Variants in JPH2 observed in about 807,000 individuals in gnomAD.
JPH2 encodes the protein junctophilin-2.
JPH2 carries 38 observed loss-of-function variants against 55.9 expected under a neutral mutation model. The observed-to-expected ratio is 0.68, with a 90% CI of 0.52 to 0.89. JPH2 has a LOEUF of 0.89. JPH2 is among the 40% of genes least tolerant of loss of function. The pLI, the probability that JPH2 is intolerant of heterozygous loss-of-function variation, is 0.00. For missense variants in JPH2, 964 were observed against 1,037.6 expected, an observed-to-expected ratio of 0.93 and a Z score of 0.97; for synonymous variants, 480 against 472.4, an observed-to-expected ratio of 1.02 and a Z score of -0.21.
intron 3 of JPH2, among the ~76,000 whole-genome samples, chr20:44,118,092 T>C (rs907067039): frequency 1.3e-5 from 2 of 152,156 alleles, no homozygotes; most frequent in Non-Finnish European, 2.9e-5. Context: ...CCCCTAGATT[T>C]TGGAACCCAC....
At chr20:44,168,888 C>A (rs142744101) in intron 1 of JPH2, among the ~76,000 whole-genome samples, 2,169 of 152,254 alleles carry the variant, frequency 0.014, 59 homozygotes, top group African/African-American at 0.05. Context: ...GGGGCAGATC[C>A]CTCATGAATA....
At chr20:44,181,944 G>T (rs2072787417) in intron 1 of JPH2, among the ~76,000 whole-genome samples, 1 of 152,206 alleles carries the variant, frequency 6.6e-6, no homozygotes. Flanking sequence ...CGCAGGTGTA[G>T]CGCGGGGCTA....
At chr20:44,135,713 A>T (rs926183350) in intron 2 of JPH2, among the ~76,000 whole-genome samples, 8 of 152,232 alleles carry the variant, frequency 5.3e-5, no homozygotes, top group Admixed American at 1.3e-4. Flanking sequence ...ACGTTTTGTT[A>T]TATGAATCAC....
intron 2 of JPH2, among the ~76,000 whole-genome samples, chr20:44,127,769 T>G (rs1255448131): frequency 6.6e-6 from 1 of 152,196 alleles, no homozygotes; most frequent in Admixed American, 6.5e-5. Flanking sequence ...ATTACAGGCG[T>G]GAGCCACCGC....
intron 2 of JPH2, among the ~76,000 whole-genome samples, chr20:44,136,440 C>CAT: frequency 6.6e-6 from 1 of 151,372 alleles, no homozygotes; most frequent in Non-Finnish European, 1.5e-5. Context: ...GGACTCATCG[C>CAT]CATCATCATC....
At chr20:44,176,176 T>C (rs2072731401) in intron 1 of JPH2, among the ~76,000 whole-genome samples, 1 of 152,190 alleles carries the variant, frequency 6.6e-6, no homozygotes, top group African/African-American at 2.4e-5. Context: ...CAAACCACCA[T>C]CTTCTCACCA....
intron 1 of JPH2, among the ~76,000 whole-genome samples, chr20:44,169,818 G>T (rs935056777): frequency 1.3e-5 from 2 of 152,110 alleles, no homozygotes; most frequent in African/African-American, 4.8e-5. Context: ...TGGTTTAATT[G>T]GTTATGGGAG....
At position 44,112,377 on chromosome 20, in the gene JPH2, A is replaced by G. The variant is rs2072152125; in HGVS notation, c.*1141T>C. 6.6e-6 allele frequency: 1 copy of G among 152,264 alleles called. No individual in the cohort carries two copies. The highest frequency in any genetic ancestry group is 2.4e-5 in the African/African-American group (1 of 41,438). The allele number at this position is 152,264 out of a possible 1,614,324, so 9.4% of individuals were successfully genotyped here. A position where few individuals can be genotyped will look rare whatever the true frequency, so the allele number is the denominator to read the frequency against. ...GGGCCCAGAGACCTAGTGTGGTACA[A>G]AACATCTTTAAGTGAGGTACATCCA... On this transcript the variant is annotated 3_prime_UTR_variant, in exon 6 of 6. Transcript: ENST00000372980.
chr20:44,114,409 T>C (rs1456712531), intron 5 of JPH2, among the ~76,000 whole-genome samples: 1 of 152,094 alleles, frequency 6.6e-6, no homozygotes, highest in African/African-American at 2.4e-5. Flanking sequence ...GTTACTTTCA[T>C]TATGTTCACC....
At chr20:44,177,421 A>T in intron 1 of JPH2, 5 of 988,092 alleles carry the variant, frequency 5.1e-6, no homozygotes, top group Non-Finnish European at 6.0e-6. Flanking sequence ...GGCCTCGGAC[A>T]GGGGCACGTC....
rs779935200 is a variant in JPH2 at position 44,159,014 on chromosome 20, T to C, written c.1169+604A>G. ...TTGGACGGGTGGTTGAGTCGATGAA[T>C]GGATGGGTGATGAGCTGGTTGAGTA... On this transcript the variant is annotated intron_variant, in intron 2 of 5. Coordinates refer to ENST00000372980, the MANE Select transcript of JPH2 (RefSeq NM_020433.5). This position sits in a 1 kb window ranked among gnomAD's most constrained non-coding sequence, Gnocchi z 5.7. 6.6e-6 allele frequency among the ~76,000 whole-genome samples: 1 copy of C among 152,036 alleles called. No individual in the cohort carries two copies. The highest frequency in any genetic ancestry group is 1.5e-5 in the Non-Finnish European group (1 of 67,994).
At chr20:44,132,355 G>GACACACACACACACACACAC (rs749014190) in intron 2 of JPH2, among the ~76,000 whole-genome samples, 2 of 101,220 alleles carry the variant, frequency 2.0e-5, no homozygotes, top group African/African-American at 3.5e-5. Context: ...CAGACAGACA[G>GACACACACACACACACACAC]ACACACACAC....
At position 44,160,105 on chromosome 20, in the gene JPH2, C is replaced by A; in HGVS notation, c.682G>T (p.Gly228Cys). The A allele has an allele frequency of 1.3e-6, 2 of 1,525,072 alleles. No individual in the cohort carries two copies. The highest frequency in any genetic ancestry group is 1.8e-6 in the Non-Finnish European group (2 of 1,141,318). 94.5% of individuals were successfully genotyped at this position (1,525,072 alleles called of 1,614,324 possible). A position where few individuals can be genotyped will look rare whatever the true frequency, so the allele number is the denominator to read the frequency against. ...GGLFQRGALL[G>C]KLRRAESRTS... is the part of the protein sequence containing the mutation. ...CGCGACTCTGCGCGCCGCAGCTTGC[C>A]CAGCAGCGCGCCCCGCTGGAAGAGG... is the stretch of plus-strand genomic sequence containing the variant. Residue 228 changes from glycine to cysteine, a missense_variant, in exon 2 of 6, where the codon GGC becomes TGC. Transcript: ENST00000372980. This position sits in a 1 kb window ranked among gnomAD's most constrained non-coding sequence, Gnocchi z 4.9.
chr20:44,117,340 C>T (rs2072200733), intron 3 of JPH2, among the ~76,000 whole-genome samples: 1 of 152,184 alleles, frequency 6.6e-6, no homozygotes, highest in Non-Finnish European at 1.5e-5. Context: ...CTCAGGGGTT[C>T]CCACCACTCT....
At chr20:44,133,219 TC>T (rs776775257) in intron 2 of JPH2, among the ~76,000 whole-genome samples, 1 of 147,458 alleles carries the variant, frequency 6.8e-6, no homozygotes, top group Non-Finnish European at 1.5e-5. Flanking sequence ...AACAGCACCT[TC>T]TTTAAACTCT....
At chr20:44,185,314 T>G (rs2072824632) in intron 1 of JPH2, among the ~76,000 whole-genome samples, 1 of 151,560 alleles carries the variant, frequency 6.6e-6, no homozygotes, top group Non-Finnish European at 1.5e-5. Flanking sequence ...TTTAAAAAAT[T>G]TAAAAAAGGA....
At chr20:44,181,915 C>T (rs1407262236) in intron 1 of JPH2, among the ~76,000 whole-genome samples, 2 of 152,192 alleles carry the variant, frequency 1.3e-5, no homozygotes, top group Non-Finnish European at 2.9e-5. Flanking sequence ...GAGCGTTTCC[C>T]TTCTGCTTAT....
At position 44,115,820 on chromosome 20, in the gene JPH2, G is replaced by C. The variant is rs749196483; in HGVS notation, c.1855C>G (p.Pro619Ala). The change falls in exon 4 of 6, where the codon CCC becomes GCC. Residue 619 changes from proline to alanine, a missense_variant. Coordinates refer to ENST00000372980, the MANE Select transcript of JPH2 (RefSeq NM_020433.5). Reference protein sequence around the residue: ...LRGPEPARETPAKLEPKPIIP... With the variant: ...LRGPEPARETAAKLEPKPIIP... ...ATGGGCTTGGGCTCCAGCTTGGCGG[G>C]GGTCTCGCGTGCAGGCTCGGGGCCT... 7.5e-6 allele frequency: 12 copies of C among 1,602,580 alleles called. No homozygotes were observed. The highest frequency in any genetic ancestry group is 2.7e-5 in the African/African-American group (2 of 74,864).
At chr20:44,179,001 C>T (rs2072758554) in intron 1 of JPH2, among the ~76,000 whole-genome samples, 2 of 152,110 alleles carry the variant, frequency 1.3e-5, no homozygotes, top group South Asian at 4.1e-4. Flanking sequence ...TAGCTGAAGT[C>T]ATAAGCTTTG....
Sources: gnomAD v4.1 joint callset for allele counts (sites outside exome capture counted in the v4.1 genomes callset) on GRCh38, gnomAD v4.1.1 for gene constraint, Gnocchi (gnomAD v3.1) non-coding constraint, MANE v1.5 for transcripts, NCBI Gene and HGNC (gene_info 2026-07-23, HGNC 2026-07-21) for gene names.